The following KIR2DL1 variants were observed in gnomAD, a reference collection of about 807,000 sequenced individuals.
KIR2DL1 encodes killer cell immunoglobulin like receptor, two Ig domains and long cytoplasmic tail 1.
A neutral mutation model predicts 33.9 loss-of-function variants in KIR2DL1; 38 were observed. That is an observed-to-expected ratio of 1.12 (90% CI 0.86 to 1.47). The LOEUF is 1.47. KIR2DL1 is among the 40% of genes most tolerant of loss of function. The pLI, the probability that KIR2DL1 is intolerant of heterozygous loss-of-function variation, is 0.00. For missense variants in KIR2DL1, 531 were observed against 433.9 expected, an observed-to-expected ratio of 1.22 and a Z score of -1.99; for synonymous variants, 179 against 165.9, an observed-to-expected ratio of 1.08 and a Z score of -0.61.
chr19:54,772,572 G>A (rs1222657608), intron 2 of KIR2DL1, among the ~76,000 whole-genome samples: 9 of 146,118 alleles, frequency 6.2e-5, no homozygotes, highest in South Asian at 2.2e-4. Flanking sequence ...AGGCATGGTG[G>A]CAGGTGCATG....
intron 5 of KIR2DL1, among the ~76,000 whole-genome samples, chr19:54,781,874 G>T (rs1008985763): frequency 6.6e-6 from 1 of 151,916 alleles, no homozygotes; most frequent in Non-Finnish European, 1.5e-5. Context: ...AAGCACATTC[G>T]CTGTGAATCA....
At chr19:54,773,725 C>T (rs2076032313) in intron 3 of KIR2DL1, 93 bp downstream of exon 3, 4 of 1,312,920 alleles carry the variant, frequency 3.0e-6, no homozygotes, top group African/African-American at 1.5e-5. Flanking sequence ...GGAAGATGAG[C>T]TTGGTATTCT....
intron 2 of KIR2DL1, among the ~76,000 whole-genome samples, chr19:54,771,319 C>G (rs902280778): frequency 6.7e-6 from 1 of 148,518 alleles, no homozygotes; most frequent in African/African-American, 2.5e-5. Context: ...ATTCCATTCT[C>G]AAAGGACATG....
rs535527227 is a variant in KIR2DL1, at chr19:54,771,611, G to A, written c.70+727G>A. 5.6e-3 allele frequency among the ~76,000 whole-genome samples: 827 copies of A among 147,878 alleles called. 67 individuals are homozygous for A. The highest frequency in any genetic ancestry group is 0.019 in the African/African-American group (779 of 40,476). ...TAAGGCGGTGCCTCCTTCTCCCCAC[G>A]GTGGTCAGGACAAGCCCTTGCTGTC... On this transcript the variant is annotated intron_variant, in intron 2 of 7. Coordinates refer to ENST00000336077, the MANE Select transcript of KIR2DL1 (RefSeq NM_014218.3).
At chr19:54,776,674 C>T (rs1194701199) in intron 4 of KIR2DL1, among the ~76,000 whole-genome samples, 8 of 133,670 alleles carry the variant, frequency 6.0e-5, no homozygotes, top group Non-Finnish European at 1.2e-4. Flanking sequence ...GAGTTTCCCT[C>T]CTTAGCCCAA....
Position 54,775,168 on chromosome 19 carries a change from T to G in KIR2DL1, c.374T>G (p.Leu125Arg). 6.3e-7 allele frequency: 1 copy of G among 1,580,302 alleles called. No homozygotes were observed. The part of the protein sequence containing the change: ...SDPLDIVIIG[L>R]YEKPSLSAQL... ...AAACTGCCTCTTCTCCTTCCAGGTC[T>G]ATATGAGAAACCTTCTCTCTCAGCC... The change falls in exon 4 of 8, where the codon CTA (leucine) becomes CGA (arginine). Residue 125 changes from leucine (L) to arginine (R), a missense_variant. Leu to Arg is a moderately radical substitution (Grantham distance 102). Coordinates refer to ENST00000336077, the MANE Select transcript of KIR2DL1 (RefSeq NM_014218.3).
At chr19:54,770,504 G>A (rs2147397344) in intron 1 of KIR2DL1, among the ~76,000 whole-genome samples, 1 of 146,194 alleles carries the variant, frequency 6.8e-6, no homozygotes, top group South Asian at 2.2e-4. Flanking sequence ...TGGACCTGGA[G>A]TGGAGATAAG....
In KIR2DL1 at chr19:54,773,637, G is replaced by C. The variant is rs2076020392; in HGVS notation, c.370+5G>C. On this transcript the variant is annotated splice_donor_5th_base_variant and intron_variant, in intron 3 of 7. Transcript: ENST00000336077. ...CTCTGGACATCGTGATCATAGGTGA[G>C]AGTGTCCAGACTTTCTTCTCATTGT... 2 of 1,565,088 alleles carry C rather than the reference G, an allele frequency of 1.3e-6. No homozygotes were observed. The highest frequency in any genetic ancestry group is 1.4e-5 in the African/African-American group (1 of 73,434).
intron 4 of KIR2DL1, among the ~76,000 whole-genome samples, chr19:54,777,443 G>C (rs28874894): frequency 6.7e-6 from 1 of 148,426 alleles, no homozygotes; most frequent in African/African-American, 2.5e-5. Flanking sequence ...TTTAATTTGC[G>C]TTTCTCTGAT....
chr19:54,778,562 G>A (rs113195576), intron 4 of KIR2DL1, 50 bp from the exon 5 acceptor site: 34,616 of 1,286,696 alleles, frequency 0.027, 183 homozygotes, highest in South Asian at 0.076. Flanking sequence ...TCCACTGAGT[G>A]GAGGACAGAC....
chr19:54,775,456 C>G lies in KIR2DL1; in HGVS notation c.662C>G (p.Thr221Arg), dbSNP rs772370413. 1.9e-6 allele frequency: 3 copies of G among 1,583,402 alleles called. No homozygotes were observed. The highest frequency in any genetic ancestry group is 2.6e-6 in the Non-Finnish European group (3 of 1,155,716). ...AGTGACCCACTGCTTGTTTCTGTCA[C>G]AGGTGAGGAAAGCCCATGGCTGTCC... ...KSSDPLLVSV[T>R]GNPSNSWPSP... The change falls in exon 4 of 8, where the codon ACA becomes AGA. Residue 221 changes from threonine to arginine, a missense_variant and splice_region_variant. Coordinates refer to ENST00000336077, the MANE Select transcript of KIR2DL1 (RefSeq NM_014218.3).
chr19:54,774,601 G>T (rs1192094870), intron 3 of KIR2DL1, among the ~76,000 whole-genome samples: 4 of 148,090 alleles, frequency 2.7e-5, no homozygotes, highest in Admixed American at 2.1e-4. Context: ...TAATAGATGA[G>T]ACATAGAGAT....
In KIR2DL1 at chr19:54,783,401, C is replaced by G. The variant is rs1600899071; in HGVS notation, c.818-85C>G. 1.5e-5 allele frequency: 23 copies of G among 1,490,916 alleles called. No homozygotes were observed. The East Asian group carries it at 3.2e-4, about 21-fold the overall frequency. The allele number at this position is 1,490,916 out of a possible 1,614,324, so 92.4% of individuals were successfully genotyped here. On this transcript the variant is annotated intron_variant, in intron 6 of 7. Coordinates refer to ENST00000336077, the MANE Select transcript of KIR2DL1 (RefSeq NM_014218.3). The stretch of plus-strand genomic sequence containing the variant: ...CTGAGGGACCTCAGCCACCTATGGT[C>G]TCCCCCTGTATGTTGGTATCTGCTT...
At chr19:54,778,916 C>A (rs552765043) in intron 5 of KIR2DL1, among the ~76,000 whole-genome samples, 1 of 148,546 alleles carries the variant, frequency 6.7e-6, no homozygotes, top group Admixed American at 6.8e-5. Flanking sequence ...ACATCCTTCT[C>A]AGGAAAAATG....
At position 54,782,912 on chromosome 19, in the gene KIR2DL1, C is replaced by G. The variant is rs1362972557; in HGVS notation, c.716-10C>G. 6.2e-7 allele frequency: 1 copy of G among 1,612,324 alleles called. No individual in the cohort carries two copies. The highest frequency in any genetic ancestry group is 1.7e-5 in the Admixed American group (1 of 60,004). On this transcript the variant is annotated splice_polypyrimidine_tract_variant and intron_variant, in intron 5 of 7. Transcript: ENST00000336077. Reference sequence around the variant, plus strand: ...GATTAGCTTCTTATTGGTGTCTCATCTTCTTCCAGGTAACCCCCGACACCT... The same window carrying G: ...GATTAGCTTCTTATTGGTGTCTCATGTTCTTCCAGGTAACCCCCGACACCT...
At chr19:54,775,119 T>C in intron 3 of KIR2DL1, 46 bp from the exon 4 acceptor site, 1 of 1,531,622 alleles carries the variant, frequency 6.5e-7, no homozygotes, top group East Asian at 2.2e-5. Context: ...AAGGGAGCTG[T>C]GACAAAGAAG....
intron 5 of KIR2DL1, among the ~76,000 whole-genome samples, chr19:54,781,964 C>T (rs1226402378): frequency 6.6e-6 from 1 of 152,050 alleles, no homozygotes; most frequent in African/African-American, 2.4e-5. Flanking sequence ...CTATCACTCA[C>T]CGTCACTCCA....
At position 54,774,552 on chromosome 19, in the gene KIR2DL1, A is replaced by C. The variant is rs367579096; in HGVS notation, c.371-613A>C. 4.3e-3 allele frequency among the ~76,000 whole-genome samples: 614 copies of C among 141,444 alleles called. 2 individuals are homozygous for C. Among genetic ancestry groups the C allele is most frequent in the African/African-American group, 0.013 (500 of 38,618 alleles). The allele number at this position is 141,444 out of a possible 152,430, so 92.8% of individuals were successfully genotyped here. ...ATGATAAATAGGTAGATGATAGATA[A>C]TAGGTTATAGATACATAGATGATGA... On this transcript the variant is annotated intron_variant, in intron 3 of 7. Transcript: ENST00000336077.
In KIR2DL1 at chr19:54,774,844, A is replaced by G. The variant is rs544845305; in HGVS notation, c.371-321A>G. On this transcript the variant is annotated intron_variant, in intron 3 of 7. Coordinates refer to ENST00000336077, the MANE Select transcript of KIR2DL1 (RefSeq NM_014218.3). ...CGATAGATAATAGATAGAAATATGC[A>G]GAAAGTTATGAACAGGACACAAAGT... Among the ~76,000 whole-genome samples the G allele has an allele frequency of 2.0e-3, 295 of 148,774 alleles. 18 individuals carry two copies. Among genetic ancestry groups the G allele is most frequent in the African/African-American group, 6.8e-3 (276 of 40,858 alleles).
Sources: allele counts gnomAD v4.1 joint callset (sites outside exome capture counted in the v4.1 genomes callset), GRCh38; gene constraint gnomAD v4.1.1; transcripts MANE v1.5; gene names NCBI Gene and HGNC (gene_info 2026-07-23, HGNC 2026-07-21).